The following SUPT3H variants were observed in gnomAD, a reference collection of about 807,000 sequenced individuals.
The protein encoded by SUPT3H is transcription initiation protein SPT3 homolog.
In SUPT3H, 44 loss-of-function variants were observed where a neutral mutation model predicts 44.3. The ratio of observed to expected loss-of-function variants is 0.99; its 90% CI spans 0.78 to 1.28. SUPT3H has a LOEUF of 1.28. SUPT3H is among the 50% of genes most tolerant of loss of function. SUPT3H has a pLI of 0.00. For missense variants in SUPT3H, 380 were observed against 387.1 expected (o/e 0.98, Z 0.15); for synonymous variants, 124 against 125.6 (o/e 0.99, Z 0.09).
At chr6:45,219,290 A>G (rs992828091) in intron 2 of SUPT3H, among the ~76,000 whole-genome samples, 26 of 152,108 alleles carry the variant, frequency 1.7e-4, no homozygotes, top group African/African-American at 5.1e-4. Context: ...AAAATCCATA[A>G]AAGAACTGGT....
intron 10 of SUPT3H, among the ~76,000 whole-genome samples, chr6:44,865,717 A>G (rs186994291): frequency 6.6e-6 from 1 of 152,372 alleles, no homozygotes; most frequent in Admixed American, 6.5e-5. Context: ...GAATTATGGG[A>G]GTAAAATTCA....
chr6:45,294,745 A>C (rs1363170516), intron 2 of SUPT3H, among the ~76,000 whole-genome samples: 1 of 141,888 alleles, frequency 7.0e-6, no homozygotes, highest in African/African-American at 2.6e-5. Flanking sequence ...AAAAAAAAAA[A>C]AAAAAAAAAA....
intron 2 of SUPT3H, among the ~76,000 whole-genome samples, chr6:45,159,735 T>A (rs1366487797): frequency 1.3e-5 from 2 of 152,214 alleles, no homozygotes; most frequent in Non-Finnish European, 2.9e-5. Context: ...TTAGTTAGCT[T>A]CTCCTTATTA....
intron 2 of SUPT3H, among the ~76,000 whole-genome samples, chr6:45,279,909 T>G (rs1777678104): frequency 6.6e-6 from 1 of 152,152 alleles, no homozygotes; most frequent in African/African-American, 2.4e-5. Context: ...AACCAAAACT[T>G]AATTTCTAAT....
intron 10 of SUPT3H, among the ~76,000 whole-genome samples, chr6:44,900,947 C>T (rs1321286336): frequency 2.0e-5 from 3 of 152,166 alleles, no homozygotes; most frequent in African/African-American, 7.2e-5. Context: ...GCCAACAGAC[C>T]TGCAGATGAG....
intron 2 of SUPT3H, among the ~76,000 whole-genome samples, chr6:45,156,208 T>C (rs1807796101): frequency 1.3e-5 from 2 of 152,154 alleles, no homozygotes. Flanking sequence ...ATGTAACTTG[T>C]TTCTCTCAGT....
intron 2 of SUPT3H, among the ~76,000 whole-genome samples, chr6:45,177,003 A>G (rs911557908): frequency 9.9e-5 from 15 of 152,098 alleles, no homozygotes; most frequent in Non-Finnish European, 1.8e-4. Context: ...ACTCTAAAAA[A>G]CAGAGTGCCT....
intron 2 of SUPT3H, among the ~76,000 whole-genome samples, chr6:45,136,994 A>T (rs1035376946): frequency 1.3e-5 from 2 of 152,176 alleles, no homozygotes; most frequent in African/African-American, 4.8e-5. Context: ...GAGATTATTG[A>T]CAGAAGCATA....
At chr6:44,907,237 ACCT>A (rs1170881584) in intron 10 of SUPT3H, among the ~76,000 whole-genome samples, 1 of 152,162 alleles carries the variant, frequency 6.6e-6, no homozygotes, top group Non-Finnish European at 1.5e-5. Flanking sequence ...GTAATTTTTC[ACCT>A]CCTTTACGGG....
chr6:45,376,255 T>C (rs1796760218), intron 1 of SUPT3H, among the ~76,000 whole-genome samples: 1 of 152,212 alleles, frequency 6.6e-6, no homozygotes, highest in African/African-American at 2.4e-5. Flanking sequence ...AAAGGCATTA[T>C]TTGAATATAA....
chr6:44,960,738 G>A, intron 7 of SUPT3H, among the ~76,000 whole-genome samples: 1 of 151,920 alleles, frequency 6.6e-6, no homozygotes, highest in African/African-American at 2.4e-5. Flanking sequence ...ATGATCTGAA[G>A]TGCCATTTAC....
intron 2 of SUPT3H, among the ~76,000 whole-genome samples, chr6:45,129,481 G>A (rs1380334872): frequency 6.6e-6 from 1 of 152,008 alleles, no homozygotes; most frequent in African/African-American, 2.4e-5. Flanking sequence ...AGATATTTAA[G>A]CAATAATTTC....
chr6:45,097,097 T>A (rs1236666580), intron 3 of SUPT3H, among the ~76,000 whole-genome samples: 1 of 152,182 alleles, frequency 6.6e-6, no homozygotes, highest in Non-Finnish European at 1.5e-5. Flanking sequence ...TGATCAAAGA[T>A]GGACTTCAAA....
chr6:45,054,403 C>A (rs1160877916), intron 3 of SUPT3H, among the ~76,000 whole-genome samples: 1 of 152,140 alleles, frequency 6.6e-6, no homozygotes, highest in Non-Finnish European at 1.5e-5. Context: ...ACTATTAGAT[C>A]ATATCTCTCT....
chr6:44,910,062 T>C (rs1440569318), intron 10 of SUPT3H, among the ~76,000 whole-genome samples: 2 of 152,190 alleles, frequency 1.3e-5, no homozygotes, highest in Non-Finnish European at 2.9e-5. Context: ...CAGTTCCCTC[T>C]GCTCATGAAC....
chr6:45,294,769 T>C (rs1306315082), intron 2 of SUPT3H, among the ~76,000 whole-genome samples: 1 of 108,110 alleles, frequency 9.2e-6, no homozygotes, highest in Non-Finnish European at 1.8e-5. Context: ...AAAAACAACT[T>C]AGGAATATAC....
intron 2 of SUPT3H, among the ~76,000 whole-genome samples, chr6:45,198,679 C>G (rs1049526956): frequency 1.3e-5 from 2 of 150,830 alleles, no homozygotes; most frequent in Non-Finnish European, 3.0e-5. Flanking sequence ...TAGTTTGATC[C>G]AGGGTTATTT....
intron 2 of SUPT3H, chr6:45,322,883 C>G: frequency 6.2e-7 from 1 of 1,612,564 alleles, no homozygotes; most frequent in East Asian, 2.2e-5. Flanking sequence ...TCTCACCTGT[C>G]AAAGTTGAAG....
At chr6:45,140,847 A>T (rs1336694264) in intron 2 of SUPT3H, among the ~76,000 whole-genome samples, 2 of 152,182 alleles carry the variant, frequency 1.3e-5, no homozygotes, top group Admixed American at 6.5e-5. Flanking sequence ...ATTCCTAGGA[A>T]AAAGGGGAGA....
Sources: allele counts gnomAD v4.1 joint callset (sites outside exome capture counted in the v4.1 genomes callset), GRCh38; gene constraint gnomAD v4.1.1; transcripts MANE v1.5; gene names NCBI Gene and HGNC (gene_info 2026-07-23, HGNC 2026-07-21).